Variants in SGF29 observed in about 807,000 individuals in gnomAD.
SGF29 encodes SAGA complex associated factor 29.
A neutral mutation model predicts 38.1 loss-of-function variants in SGF29; 15 were observed. The observed-to-expected ratio is 0.39, with a 90% CI of 0.26 to 0.61. The LOEUF is 0.61. Ranked by LOEUF, SGF29 falls within the 20% of genes least tolerant of loss-of-function variation. SGF29 has a pLI of 0.49. For missense variants in SGF29, 184 were observed against 394.6 expected, an observed-to-expected ratio of 0.47 and a Z score of 4.52; for synonymous variants, 151 against 160.8, an observed-to-expected ratio of 0.94 and a Z score of 0.46.
At chr16:28,576,623 G>A (rs192966486) in intron 1 of SGF29, among the ~76,000 whole-genome samples, 8 of 151,496 alleles carry the variant, frequency 5.3e-5, no homozygotes, top group Non-Finnish European at 1.2e-4. Flanking sequence ...TTGCTTGAAC[G>A]AGAGAGGCAG....
chr16:28,571,524 T>G (rs1596601080), intron 1 of SGF29, among the ~76,000 whole-genome samples: 2 of 141,974 alleles, frequency 1.4e-5, no homozygotes, highest in Admixed American at 7.5e-5. Context: ...ACCAGGGAGG[T>G]GGAAGTTTCA....
At chr16:28,582,227 C>T (rs941458737) in intron 2 of SGF29, among the ~76,000 whole-genome samples, 7 of 152,154 alleles carry the variant, frequency 4.6e-5, no homozygotes, top group African/African-American at 1.7e-4. Context: ...TGAAAGGTTA[C>T]GTGCTGTGTA....
chr16:28,591,754 C>T lies in SGF29; in HGVS notation c.*48C>T. The T allele has an allele frequency of 6.9e-7, 1 of 1,454,780 alleles. No individual in the cohort carries two copies. Among genetic ancestry groups the T allele is most frequent in the Non-Finnish European group, 9.6e-7 (1 of 1,038,914 alleles). 90.1% of individuals were successfully genotyped at this position (1,454,780 alleles called of 1,614,324 possible). The stretch of plus-strand genomic sequence containing the variant: ...CCCCCAACGACACAGGGCAGGACAG[C>T]AGAGGACGTGCTGGGATTAAACACA... On this transcript the variant is annotated 3_prime_UTR_variant, in exon 10 of 10. Transcript: ENST00000317058.
intron 1 of SGF29, among the ~76,000 whole-genome samples, chr16:28,556,653 T>C (rs998001013): frequency 6.6e-6 from 1 of 152,064 alleles, no homozygotes; most frequent in African/African-American, 2.4e-5. Flanking sequence ...AACCTACTTA[T>C]GTTTTTTTTA....
intron 3 of SGF29, chr16:28,585,270 G>A (rs2046950112): frequency 7.9e-6 from 4 of 508,094 alleles, no homozygotes; most frequent in Non-Finnish European, 1.1e-5. Flanking sequence ...CTAGAAAGGA[G>A]CTTCCTTCCC....
intron 1 of SGF29, among the ~76,000 whole-genome samples, chr16:28,556,655 T>G (rs1471095065): frequency 6.6e-6 from 1 of 151,358 alleles, no homozygotes; most frequent in Admixed American, 6.6e-5. Context: ...CCTACTTATG[T>G]TTTTTTTAGA....
chr16:28,591,069 C>A, intron 9 of SGF29, 134 bp downstream of exon 9: 1 of 1,156,312 alleles, frequency 8.6e-7, no homozygotes, highest in Non-Finnish European at 1.2e-6. Context: ...CCACCAGCTG[C>A]CCTCCCTCTT....
At chr16:28,556,668 C>A (rs1177715546) in intron 1 of SGF29, among the ~76,000 whole-genome samples, 1 of 150,830 alleles carries the variant, frequency 6.6e-6, no homozygotes, top group Non-Finnish European at 1.5e-5. Context: ...TTTTTAGAAA[C>A]AAGGTCTTAC....
At chr16:28,560,372 C>CCT (rs1232159672) in intron 1 of SGF29, among the ~76,000 whole-genome samples, 1 of 148,898 alleles carries the variant, frequency 6.7e-6, no homozygotes, top group African/African-American at 2.5e-5. Context: ...GGGTGGATCA[C>CCT]GAGGTCAGGA....
chr16:28,572,338 C>T (rs1310045969), intron 1 of SGF29, among the ~76,000 whole-genome samples: 4 of 151,272 alleles, frequency 2.6e-5, no homozygotes, highest in Non-Finnish European at 4.4e-5. Context: ...GGCACGATCT[C>T]GGCTCACTGC....
intron 1 of SGF29, among the ~76,000 whole-genome samples, chr16:28,580,841 C>T (rs2046920728): frequency 6.6e-6 from 1 of 152,112 alleles, no homozygotes; most frequent in Admixed American, 6.5e-5. Flanking sequence ...GCCACTATGC[C>T]GGGCTAAGTT....
At chr16:28,556,217 C>T (rs373772185) in intron 1 of SGF29, among the ~76,000 whole-genome samples, 1 of 151,678 alleles carries the variant, frequency 6.6e-6, no homozygotes, top group Non-Finnish European at 1.5e-5. Context: ...TCACCCAGGC[C>T]GGAGTATAGT....
At chr16:28,554,244 G>C (rs562304493) in intron 1 of SGF29, 147 bp downstream of exon 1, 3 of 147,390 alleles carry the variant, frequency 2.0e-5, no homozygotes, top group African/African-American at 7.5e-5. Flanking sequence ...GGGGGGCGGG[G>C]CTCGTGGGGG....
chr16:28,590,792 C>T lies in SGF29; in HGVS notation c.622C>T (p.Arg208Cys). Reference protein sequence around the residue: ...EGKERHTLSRRRVIPLPQWKA... With the variant: ...EGKERHTLSRCRVIPLPQWKA... The stretch of plus-strand genomic sequence containing the variant: ...CCCCAGGAGACACACCCTGAGCCGG[C>T]GCCGTGTCATCCCGCTGCCCCAGTG... Residue 208 changes from arginine to cysteine, a missense_variant, in exon 9 of 10, where the codon CGC becomes TGC. Arg to Cys is a radical substitution (Grantham distance 180). Around this residue, in one of 2 missense-constraint regions of SGF29, gnomAD observed 107 missense variants for 276.9 expected, o/e 0.39. Coordinates refer to ENST00000317058, the MANE Select transcript of SGF29 (RefSeq NM_138414.3). The surrounding 1 kb of genome is among the most constrained non-coding windows in gnomAD (Gnocchi z 8.2). 1.9e-6 allele frequency: 3 copies of T among 1,613,970 alleles called. No individual in the cohort carries two copies. The highest frequency in any genetic ancestry group is 1.7e-6 in the Non-Finnish European group (2 of 1,179,956).
intron 1 of SGF29, among the ~76,000 whole-genome samples, chr16:28,571,591 TAA>T (rs143979584): frequency 1.0e-4 from 13 of 127,252 alleles, no homozygotes; most frequent in Admixed American, 1.7e-4. Flanking sequence ...GACTCCGCCT[TAA>T]AAAAAAAAAA....
chr16:28,558,516 C>T (rs1301141260), intron 1 of SGF29, among the ~76,000 whole-genome samples: 2 of 152,124 alleles, frequency 1.3e-5, no homozygotes, highest in Non-Finnish European at 2.9e-5. Context: ...TACTTGGCCT[C>T]CCAAGGTGTT....
At chr16:28,569,949 A>C (rs375811512) in intron 1 of SGF29, among the ~76,000 whole-genome samples, 2 of 152,234 alleles carry the variant, frequency 1.3e-5, no homozygotes, top group Non-Finnish European at 2.9e-5. Context: ...CACAGAATAC[A>C]CAAGCTGTAG....
intron 1 of SGF29, among the ~76,000 whole-genome samples, chr16:28,558,684 C>T (rs4788076): frequency 0.32 from 48,013 of 152,116 alleles, 8,368 homozygotes; most frequent in Non-Finnish European, 0.37. Context: ...GGATTAAAAA[C>T]GACATCTATC....
chr16:28,584,387 G>A (rs748870323), intron 2 of SGF29, among the ~76,000 whole-genome samples: 3 of 151,874 alleles, frequency 2.0e-5, no homozygotes, highest in Non-Finnish European at 4.4e-5. Flanking sequence ...ATAGCCGGGC[G>A]CCCTTGCCTG....
Sources: gnomAD v4.1 joint callset for allele counts (sites outside exome capture counted in the v4.1 genomes callset) on GRCh38, gnomAD v4.1.1 for gene constraint, gnomAD v4.1.1 regional missense constraint, Gnocchi (gnomAD v3.1) non-coding constraint, MANE v1.5 for transcripts, NCBI Gene and HGNC (gene_info 2026-07-23, HGNC 2026-07-21) for gene names.